The following BCKDHB variants were observed in gnomAD, a reference collection of about 807,000 sequenced individuals.
BCKDHB encodes 2-oxoisovalerate dehydrogenase subunit beta, mitochondrial.
In BCKDHB, 41 loss-of-function variants were observed where a neutral mutation model predicts 48.5. The observed-to-expected ratio is 0.85, with a 90% CI of 0.66 to 1.10. The LOEUF (loss-of-function observed/expected upper bound fraction) is 1.10, where lower values mean the gene tolerates loss of function less well. Ranked by LOEUF, BCKDHB falls within the 50% of genes least tolerant of loss-of-function variation. The probability of loss-of-function intolerance (pLI) is 0.00; values close to 1 mark genes in which losing one functional copy is unlikely to be tolerated. For missense variants in BCKDHB, 496 were observed against 494.2 expected, an observed-to-expected ratio of 1.00 and a Z score of -0.03; for synonymous variants, 201 against 174.8, an observed-to-expected ratio of 1.15 and a Z score of -1.18.
chr6:80,402,353 T>G, the BCKDHB span, among the ~76,000 whole-genome samples: 1 of 151,878 alleles, frequency 6.6e-6, no homozygotes, highest in African/African-American at 2.4e-5. Context: ...GATTGCATCT[T>G]TCTGATGATT....
At chr6:80,353,980 A>G in the BCKDHB span, among the ~76,000 whole-genome samples, 1 of 152,172 alleles carries the variant, frequency 6.6e-6, no homozygotes, top group African/African-American at 2.4e-5. Flanking sequence ...GGAAATTTGT[A>G]TGTCTTCTTT....
chr6:80,383,938 A>G, the BCKDHB span, among the ~76,000 whole-genome samples: 1 of 152,216 alleles, frequency 6.6e-6, no homozygotes, highest in African/African-American at 2.4e-5. Flanking sequence ...TGAGAAAATG[A>G]TATTTTATCT....
At chr6:80,450,221 C>G in the BCKDHB span, among the ~76,000 whole-genome samples, 1 of 152,152 alleles carries the variant, frequency 6.6e-6, no homozygotes, top group South Asian at 2.1e-4. Context: ...TCCATTACTC[C>G]CAGCCCTTCC....
At chr6:80,324,349 G>GT (rs1346645272) in intron 9 of BCKDHB, among the ~76,000 whole-genome samples, 12 of 152,282 alleles carry the variant, frequency 7.9e-5, no homozygotes, top group African/African-American at 2.2e-4. Context: ...GGGCAGCTAA[G>GT]TATGAGAGCT....
At chr6:80,190,290 T>C (rs547264986) in intron 6 of BCKDHB, among the ~76,000 whole-genome samples, 1 of 152,330 alleles carries the variant, frequency 6.6e-6, no homozygotes, top group South Asian at 2.1e-4. Flanking sequence ...TAAACAAATA[T>C]GGCAAGCATA....
chr6:80,384,182 C>T, the BCKDHB span, among the ~76,000 whole-genome samples: 1 of 152,006 alleles, frequency 6.6e-6, no homozygotes, highest in Non-Finnish European at 1.5e-5. Flanking sequence ...AAGGCAGACT[C>T]ATCCTTAATT....
the BCKDHB span, among the ~76,000 whole-genome samples, chr6:80,361,607 T>A: frequency 6.6e-6 from 1 of 152,202 alleles, no homozygotes; most frequent in South Asian, 2.1e-4. Flanking sequence ...ACGCTGCTCT[T>A]ACTATGATCA....
intron 9 of BCKDHB, among the ~76,000 whole-genome samples, chr6:80,294,707 G>A (rs558267219): frequency 6.6e-6 from 1 of 152,266 alleles, no homozygotes; most frequent in Non-Finnish European, 1.5e-5. Context: ...ACTTATTAGG[G>A]TGGGGAAGAA....
the BCKDHB span, among the ~76,000 whole-genome samples, chr6:80,442,176 A>C: frequency 6.6e-6 from 1 of 152,168 alleles, no homozygotes; most frequent in African/African-American, 2.4e-5. Context: ...AATGACAGTT[A>C]GTGTTCGTAA....
At chr6:80,121,362 A>G (rs888110526) in intron 1 of BCKDHB, among the ~76,000 whole-genome samples, 5 of 152,158 alleles carry the variant, frequency 3.3e-5, no homozygotes, top group Non-Finnish European at 5.9e-5. Context: ...TTTTGGTTCC[A>G]TATGAACTTT....
chr6:80,369,361 C>T, the BCKDHB span, among the ~76,000 whole-genome samples: 1 of 152,174 alleles, frequency 6.6e-6, no homozygotes, highest in Admixed American at 6.5e-5. Context: ...TGTTGTTATT[C>T]TCGCATTTCC....
rs562331708 is a variant in BCKDHB at position 80,333,650 on chromosome 6, A to G, written c.1039-10014A>G. Among the ~76,000 whole-genome samples, 57 of 152,240 alleles carry G rather than the reference A, an allele frequency of 3.7e-4. No individual in the cohort carries two copies. The South Asian group carries it at 0.012, about 32-fold the overall frequency. On this transcript the variant is annotated intron_variant, in intron 9 of 9. Transcript: ENST00000320393. ...AACTCCTGTATCTCTAGTAGCCTGTAATTCCTAATTGAGGGACATGATTGA... is the reference window on the plus strand; with the variant it reads ...AACTCCTGTATCTCTAGTAGCCTGTGATTCCTAATTGAGGGACATGATTGA...
At chr6:80,421,808 G>A in the BCKDHB span, among the ~76,000 whole-genome samples, 1 of 152,168 alleles carries the variant, frequency 6.6e-6, no homozygotes, top group Non-Finnish European at 1.5e-5. Context: ...GATTCCAAAA[G>A]TGTTTGGTCA....
Position 80,296,889 on chromosome 6 carries a change from T to C in BCKDHB, c.1038+23668T>C, listed in dbSNP as rs151115732. 9.0e-3 allele frequency among the ~76,000 whole-genome samples: 1,372 copies of C among 152,338 alleles called. 16 individuals are homozygous for C. Among genetic ancestry groups the C allele is most frequent in the African/African-American group, 0.031 (1,296 of 41,580 alleles). ...CTTTTAATCTTAGGGAAAAAAATCCTCATTCCCCTGCCTTCTTATAATCTT... is the reference window on the plus strand; with the variant it reads ...CTTTTAATCTTAGGGAAAAAAATCCCCATTCCCCTGCCTTCTTATAATCTT... On this transcript the variant is annotated intron_variant, in intron 9 of 9. Transcript: ENST00000320393.
chr6:80,392,981 A>G, the BCKDHB span, among the ~76,000 whole-genome samples: 1 of 151,424 alleles, frequency 6.6e-6, no homozygotes, highest in East Asian at 1.9e-4. Context: ...ATGCTTTGGA[A>G]TATGAAGATT....
chr6:80,280,766 TTAAAC>T (rs1430301702), intron 9 of BCKDHB, among the ~76,000 whole-genome samples: 1 of 152,208 alleles, frequency 6.6e-6, no homozygotes, highest in African/African-American at 2.4e-5. Context: ...CTGTATGTGA[TTAAAC>T]TAGGTGAGAT....
chr6:80,322,409 T>G (rs1768786892), intron 9 of BCKDHB, among the ~76,000 whole-genome samples: 1 of 151,990 alleles, frequency 6.6e-6, no homozygotes, highest in Admixed American at 6.6e-5. Context: ...TGGCTAATTT[T>G]TGTATTTTTA....
At chr6:80,150,446 G>T (rs1036793445) in intron 3 of BCKDHB, among the ~76,000 whole-genome samples, 1 of 151,366 alleles carries the variant, frequency 6.6e-6, no homozygotes, top group Admixed American at 6.6e-5. Flanking sequence ...AACTGATACA[G>T]TAAATATATT....
rs537612177 is a variant in BCKDHB at position 80,188,278 on chromosome 6, A to G, written c.743-12656A>G. On this transcript the variant is annotated intron_variant, in intron 6 of 9. Transcript: ENST00000320393. ...ACATGAACACAAAACCAAATACCAC[A>G]TGTTCTCACTTATAAGTGGAAGGTA... Among the ~76,000 whole-genome samples, 7 of 152,258 alleles carry G rather than the reference A, an allele frequency of 4.6e-5. No homozygotes were observed. In the South Asian group the frequency reaches 8.3e-4, roughly 18 times the overall value.
Sources: gnomAD v4.1 joint callset for allele counts (sites outside exome capture counted in the v4.1 genomes callset) on GRCh38, gnomAD v4.1.1 for gene constraint, MANE v1.5 for transcripts, NCBI Gene and HGNC (gene_info 2026-07-23, HGNC 2026-07-21) for gene names.